Variants in TSPAN33 observed in about 807,000 individuals in gnomAD.
TSPAN33 encodes the protein tetraspanin 33.
In TSPAN33, 27 loss-of-function variants were observed where a neutral mutation model predicts 34.8. The ratio of observed to expected loss-of-function variants is 0.78; its 90% CI spans 0.57 to 1.07. The LOEUF (loss-of-function observed/expected upper bound fraction) is 1.07, where lower values mean the gene tolerates loss of function less well. Among genes scored for constraint, TSPAN33 ranks in the 50% least tolerant of loss-of-function variants. TSPAN33 has a pLI of 0.00. For synonymous variants in TSPAN33, 119 were observed against 124.2 expected (o/e 0.96, Z 0.28); for missense variants, 272 against 324.9 (o/e 0.84, Z 1.25).
Position 129,168,111 on chromosome 7 carries a change from T to A in TSPAN33, c.*237T>A. On this transcript the variant is annotated 3_prime_UTR_variant, in exon 8 of 8. Coordinates refer to ENST00000486685, the MANE Select transcript of TSPAN33 (RefSeq NM_178562.5). Reference sequence around the variant, plus strand: ...CAGCATTGTGCCAGAGTGATACCCTTAAGTGTTTGGGTTTATGTTTTCAGT... The same window carrying A: ...CAGCATTGTGCCAGAGTGATACCCTAAAGTGTTTGGGTTTATGTTTTCAGT... The A allele has an allele frequency of 1.4e-6, 1 of 738,268 alleles. No individual in the cohort carries two copies. Among genetic ancestry groups the A allele is most frequent in the African/African-American group, 1.8e-5 (1 of 56,232 alleles). 45.7% of individuals were successfully genotyped at this position (738,268 alleles called of 1,614,324 possible). A position where few individuals can be genotyped will look rare whatever the true frequency, so the allele number is the denominator to read the frequency against.
chr7:129,153,003 A>G (rs533794331), intron 1 of TSPAN33, among the ~76,000 whole-genome samples: 2 of 137,250 alleles, frequency 1.5e-5, no homozygotes, highest in South Asian at 4.8e-4. Flanking sequence ...GGTTGCAGTG[A>G]GCCGGAGATT....
rs1810544958 is a variant in TSPAN33, at chr7:129,148,128, G to C, written c.102+3046G>C. On this transcript the variant is annotated intron_variant, in intron 1 of 7. Coordinates refer to ENST00000486685, the MANE Select transcript of TSPAN33 (RefSeq NM_178562.5). This position sits in a 1 kb window ranked among gnomAD's most constrained non-coding sequence, Gnocchi z 4.2. ...TATTGGGGTGGTGCCTGCTTTCTCA[G>C]CTTGGCCATGTGTTGTCAGGAATAT... Among the ~76,000 whole-genome samples, 1 of 152,048 alleles carries C rather than the reference G, an allele frequency of 6.6e-6. No homozygotes were observed. The highest frequency in any genetic ancestry group is 1.9e-4 in the East Asian group (1 of 5,190).
At chr7:129,157,367 G>C (rs918151945) in intron 1 of TSPAN33, among the ~76,000 whole-genome samples, 1 of 152,062 alleles carries the variant, frequency 6.6e-6, no homozygotes, top group African/African-American at 2.4e-5. Context: ...TCCAGGGTGG[G>C]AAGTGGGGGC....
chr7:129,150,870 C>T (rs1424366209), intron 1 of TSPAN33, among the ~76,000 whole-genome samples: 1 of 152,058 alleles, frequency 6.6e-6, no homozygotes, highest in East Asian at 1.9e-4. Flanking sequence ...CCAGCCTTTG[C>T]TCAACCCTCT....
intron 1 of TSPAN33, among the ~76,000 whole-genome samples, chr7:129,153,050 A>C (rs1810617996): frequency 1.5e-5 from 2 of 135,310 alleles, no homozygotes; most frequent in South Asian, 2.6e-4. Flanking sequence ...CAAGAGTGAA[A>C]CTCCGTCTCA....
intron 1 of TSPAN33, among the ~76,000 whole-genome samples, chr7:129,151,837 C>T (rs772300541): frequency 9.2e-5 from 14 of 152,042 alleles, no homozygotes; most frequent in South Asian, 2.1e-4. Flanking sequence ...TTTTATGAAA[C>T]GCAGAGACAT....
Position 129,165,400 on chromosome 7 carries a change from C to CA in TSPAN33, c.459+832dup, listed in dbSNP as rs1793123328. 6.6e-6 allele frequency among the ~76,000 whole-genome samples: 1 copy of CA among 152,216 alleles called. No homozygotes were observed. Among genetic ancestry groups the CA allele is most frequent in the Non-Finnish European group, 1.5e-5 (1 of 68,038 alleles). On this transcript the variant is annotated intron_variant, in intron 5 of 7. Coordinates refer to ENST00000486685, the MANE Select transcript of TSPAN33 (RefSeq NM_178562.5). The surrounding 1 kb of genome is among the most constrained non-coding windows in gnomAD (Gnocchi z 4.5). ...TCTAGGTACCTCAAATGAAGGGACT[C>CA]ACGGTATTAATGCTTTTTTGAGTGG...
rs1418607273 is a variant in TSPAN33 at position 129,167,653 on chromosome 7, G to T, written c.750+93G>T. 7 of 1,549,374 alleles carry T rather than the reference G, an allele frequency of 4.5e-6. No homozygotes were observed. In the African/African-American group the frequency reaches 8.1e-5, roughly 18 times the overall value. On this transcript the variant is annotated intron_variant, in intron 7 of 7. Transcript: ENST00000486685. This position sits in a 1 kb window ranked among gnomAD's most constrained non-coding sequence, Gnocchi z 4.6. ...ACCTGGGGATCAGCGAGGGTGTCAG[G>T]CACTGACATGGCTGAGGGGTAGGGA...
At chr7:129,157,751 C>T (rs1354158796) in intron 1 of TSPAN33, among the ~76,000 whole-genome samples, 1 of 152,184 alleles carries the variant, frequency 6.6e-6, no homozygotes, top group Non-Finnish European at 1.5e-5. Flanking sequence ...GTGCTTTCAG[C>T]TATAAACGCT....
chr7:129,144,761 T>C lies in TSPAN33; in HGVS notation c.-220T>C, dbSNP rs1336227555. 2 of 135,874 alleles carry C rather than the reference T, an allele frequency of 1.5e-5. No individual in the cohort carries two copies. Among genetic ancestry groups the C allele is most frequent in the Non-Finnish European group, 3.3e-5 (2 of 61,430 alleles). 8.4% of individuals were successfully genotyped at this position (135,874 alleles called of 1,614,324 possible). A position where few individuals can be genotyped will look rare whatever the true frequency, so the allele number is the denominator to read the frequency against. On this transcript the variant is annotated 5_prime_UTR_variant, in exon 1 of 8. Transcript: ENST00000486685. ...GCGGCCGCGGGTGAGTCTCGTCCGC[T>C]CGCGCTGCCCACCGCGGCTCCAGCA...
chr7:129,157,584 C>A (rs1248394767), intron 1 of TSPAN33, among the ~76,000 whole-genome samples: 2 of 152,092 alleles, frequency 1.3e-5, no homozygotes, highest in African/African-American at 4.8e-5. Context: ...ATTGAAATAA[C>A]CTGGAACACA....
intron 1 of TSPAN33, among the ~76,000 whole-genome samples, chr7:129,146,811 C>T (rs1445265201): frequency 6.6e-6 from 1 of 152,152 alleles, no homozygotes; most frequent in African/African-American, 2.4e-5. Context: ...ATTTCAGGGA[C>T]TTTAGGTCGT....
chr7:129,159,800 C>A (rs924170280), intron 1 of TSPAN33, among the ~76,000 whole-genome samples: 2 of 152,186 alleles, frequency 1.3e-5, no homozygotes, highest in African/African-American at 4.8e-5. Context: ...CAGCTCCCAC[C>A]CTCCTGGACA....
chr7:129,146,777 G>C (rs1006923667), intron 1 of TSPAN33, among the ~76,000 whole-genome samples: 8 of 152,148 alleles, frequency 5.3e-5, no homozygotes, highest in Non-Finnish European at 1.2e-4. Flanking sequence ...CCAGTGACGT[G>C]ACATCCTCGG....
chr7:129,151,464 G>A (rs1296781237), intron 1 of TSPAN33, among the ~76,000 whole-genome samples: 2 of 152,052 alleles, frequency 1.3e-5, no homozygotes, highest in Admixed American at 6.6e-5. Context: ...GACTCTGGGA[G>A]CTAATTTGCC....
At chr7:129,154,849 G>A (rs1422770122) in intron 1 of TSPAN33, among the ~76,000 whole-genome samples, 1 of 152,124 alleles carries the variant, frequency 6.6e-6, no homozygotes, top group Non-Finnish European at 1.5e-5. Context: ...TACAGAGATG[G>A]ACGTTTCTCA....
Position 129,167,291 on chromosome 7 carries a change from C to A in TSPAN33, c.589-108C>A, listed in dbSNP as rs1268812740. ...CAACCCAATATCCTCCACATATATT[C>A]TCTGACAATTTAGGAGTTTGGGAAG... On this transcript the variant is annotated intron_variant, in intron 6 of 7. Transcript: ENST00000486685. This position sits in a 1 kb window ranked among gnomAD's most constrained non-coding sequence, Gnocchi z 4.6. 2 of 1,334,426 alleles carry A rather than the reference C, an allele frequency of 1.5e-6. No individual in the cohort carries two copies. The highest frequency in any genetic ancestry group is 1.4e-5 in the South Asian group (1 of 71,432). The allele number at this position is 1,334,426 out of a possible 1,614,324, so 82.7% of individuals were successfully genotyped here. A position where few individuals can be genotyped will look rare whatever the true frequency, so the allele number is the denominator to read the frequency against.
At chr7:129,145,648 G>A (rs1810510751) in intron 1 of TSPAN33, among the ~76,000 whole-genome samples, 1 of 150,648 alleles carries the variant, frequency 6.6e-6, no homozygotes, top group Non-Finnish European at 1.5e-5. Context: ...TCCCCTCCCT[G>A]CCACCCTTCT....
chr7:129,161,597 C>T (rs765059596), intron 1 of TSPAN33, 82 bp from the exon 2 acceptor site: 38 of 1,380,732 alleles, frequency 2.8e-5, no homozygotes, highest in Admixed American at 1.0e-4. Context: ...AGTCCTTCTC[C>T]TGCTCTCCTA....
Sources: allele counts gnomAD v4.1 joint callset (sites outside exome capture counted in the v4.1 genomes callset), GRCh38; gene constraint gnomAD v4.1.1; non-coding constraint Gnocchi (gnomAD v3.1); transcripts MANE v1.5; gene names NCBI Gene and HGNC (gene_info 2026-07-23, HGNC 2026-07-21).